CAMSAP1: variants seen among roughly 807,000 people sequenced by gnomAD.
CAMSAP1 encodes calmodulin regulated spectrin associated protein 1.
In CAMSAP1, 58 loss-of-function variants were observed where a neutral mutation model predicts 143.5. That is an observed-to-expected ratio of 0.40 (90% CI 0.33 to 0.50). The LOEUF (loss-of-function observed/expected upper bound fraction) is 0.50. CAMSAP1 is among the 20% of genes least tolerant of loss of function. The pLI is 0.45. For synonymous variants in CAMSAP1, 945 were observed against 859.3 expected, an observed-to-expected ratio of 1.10 and a Z score of -1.74; for missense variants, 1,969 against 2,115.7, an observed-to-expected ratio of 0.93 and a Z score of 1.36.
At position 135,882,759 on chromosome 9, in the gene CAMSAP1, CGA is replaced by C; in HGVS notation, c.423+55_423+56del. The C allele has an allele frequency of 6.6e-7, 1 of 1,514,576 alleles. No individual in the cohort carries two copies. Among genetic ancestry groups the C allele is most frequent in the Non-Finnish European group, 8.8e-7 (1 of 1,130,730 alleles). 93.8% of individuals were successfully genotyped at this position (1,514,576 alleles called of 1,614,324 possible). A position where few individuals can be genotyped will look rare whatever the true frequency, so the allele number is the denominator to read the frequency against. Reference sequence around the variant, plus strand: ...CCATCCATGCACCAGGTGCGCCACACGAGAGCCCACGGCTCCAGAGGATGGCC... The same window carrying C: ...CCATCCATGCACCAGGTGCGCCACACGAGCCCACGGCTCCAGAGGATGGCC... On this transcript the variant is annotated intron_variant, in intron 2 of 16. Transcript: ENST00000389532. The surrounding 1 kb of genome is among the most constrained non-coding windows in gnomAD (Gnocchi z 4.9).
chr9:135,818,713 C>T lies in CAMSAP1; in HGVS notation c.3960-97G>A. On this transcript the variant is annotated intron_variant, in intron 12 of 16. Transcript: ENST00000389532. The surrounding 1 kb of genome is among the most constrained non-coding windows in gnomAD (Gnocchi z 7.7). ...TGTCCAGGCGCGTTTCTCGGGTTCT[C>T]CCCGGCCGCTGGGACCAAGAGTGGC... is the stretch of plus-strand genomic sequence containing the variant. 5 of 1,398,070 alleles carry T rather than the reference C, an allele frequency of 3.6e-6. No individual in the cohort carries two copies. Among genetic ancestry groups the T allele is most frequent in the Non-Finnish European group, 4.8e-6 (5 of 1,042,508 alleles). 86.6% of individuals were successfully genotyped at this position (1,398,070 alleles called of 1,614,324 possible).
intron 3 of CAMSAP1, among the ~76,000 whole-genome samples, chr9:135,878,983 T>C (rs1189468108): frequency 6.6e-6 from 1 of 151,868 alleles, no homozygotes; most frequent in Non-Finnish European, 1.5e-5. Context: ...AAACAAAGCA[T>C]AATACAAGGA....
At position 135,809,311 on chromosome 9, in the gene CAMSAP1, G is replaced by A. The variant is rs959441791; in HGVS notation, c.*1998C>T. 1 of 152,186 alleles carries A rather than the reference G, an allele frequency of 6.6e-6. No homozygotes were observed. The highest frequency in any genetic ancestry group is 2.4e-5 in the African/African-American group (1 of 41,456). The allele number at this position is 152,186 out of a possible 1,614,324, so 9.4% of individuals were successfully genotyped here. On this transcript the variant is annotated 3_prime_UTR_variant, in exon 17 of 17. Coordinates refer to ENST00000389532, the MANE Select transcript of CAMSAP1 (RefSeq NM_015447.4). The stretch of plus-strand genomic sequence containing the variant: ...TTAGTGCTTACTCGCAACGAACAGT[G>A]AAAACTACACGCTTAAGGACAAGTT...
chr9:135,894,010 G>C (rs970602615), intron 1 of CAMSAP1, among the ~76,000 whole-genome samples: 1 of 152,112 alleles, frequency 6.6e-6, no homozygotes, highest in African/African-American at 2.4e-5. Context: ...CCCACCCAAC[G>C]GGAGGTGACA....
At chr9:135,827,191 T>C (rs770202861) in intron 8 of CAMSAP1, among the ~76,000 whole-genome samples, 3 of 152,182 alleles carry the variant, frequency 2.0e-5, no homozygotes, top group Non-Finnish European at 4.4e-5. Flanking sequence ...ATGTCAGAAT[T>C]AGGTACACAT....
In CAMSAP1 at chr9:135,811,049, A is replaced by C. The variant is rs1173165437; in HGVS notation, c.*260T>G. The C allele has an allele frequency of 5.9e-6, 3 of 512,552 alleles. No homozygotes were observed. The East Asian group carries it at 1.1e-4, about 18-fold the overall frequency. The allele number at this position is 512,552 out of a possible 1,614,324, so 31.8% of individuals were successfully genotyped here. ...AGCCTCAGTGGTCAGCAGTGGCCAC[A>C]GCAGTGCGAGCCACTGCAAAAGCGG... On this transcript the variant is annotated 3_prime_UTR_variant, in exon 17 of 17. Coordinates refer to ENST00000389532, the MANE Select transcript of CAMSAP1 (RefSeq NM_015447.4). This position sits in a 1 kb window ranked among gnomAD's most constrained non-coding sequence, Gnocchi z 4.9.
At chr9:135,886,965 C>T (rs1417415624) in intron 1 of CAMSAP1, among the ~76,000 whole-genome samples, 2 of 152,108 alleles carry the variant, frequency 1.3e-5, no homozygotes, top group Non-Finnish European at 2.9e-5. Flanking sequence ...GGAGGGCAGT[C>T]GGGGACAGGA....
chr9:135,825,257 A>T (rs998012478), intron 8 of CAMSAP1, among the ~76,000 whole-genome samples: 1 of 152,182 alleles, frequency 6.6e-6, no homozygotes, highest in Non-Finnish European at 1.5e-5. Context: ...TAAAAAAAAG[A>T]GAGAGAACTT....
Position 135,822,754 on chromosome 9 carries a change from A to G in CAMSAP1, c.1907T>C (p.Val636Ala), listed in dbSNP as rs1271110447. 6.2e-7 allele frequency: 1 copy of G among 1,612,770 alleles called. No homozygotes were observed. The change falls in exon 11 of 17, where the codon GTA becomes GCA. Residue 636 changes from valine (V) to alanine (A), a missense_variant. Coordinates refer to ENST00000389532, the MANE Select transcript of CAMSAP1 (RefSeq NM_015447.4). The surrounding 1 kb of genome is among the most constrained non-coding windows in gnomAD (Gnocchi z 6.1). ...GCGACTGCCAGTCATTTTCCTTCGT[A>G]CCAAAGGCTGGGGGCCCTCGCTGGG... The part of the protein sequence containing the change: ...RRPSEGPQPL[V>A]RRKMTGSRDL...
intron 1 of CAMSAP1, among the ~76,000 whole-genome samples, chr9:135,887,635 A>T (rs1220063474): frequency 6.6e-6 from 1 of 152,150 alleles, no homozygotes; most frequent in Non-Finnish European, 1.5e-5. Flanking sequence ...GTCAGGGTAC[A>T]GACGCAGGGA....
intron 14 of CAMSAP1, among the ~76,000 whole-genome samples, 162 bp from the exon 15 acceptor site, chr9:135,816,167 C>T (rs1588438611): frequency 6.6e-6 from 1 of 152,332 alleles, no homozygotes; most frequent in East Asian, 1.9e-4. Flanking sequence ...CCACACAGTA[C>T]AGACACTCCG....
chr9:135,818,854 G>A lies in CAMSAP1; in HGVS notation c.3959+156C>T, dbSNP rs1357552243. Among the ~76,000 whole-genome samples, 2 of 152,156 alleles carry A rather than the reference G, an allele frequency of 1.3e-5. No homozygotes were observed. Among genetic ancestry groups the A allele is most frequent in the African/African-American group, 2.4e-5 (1 of 41,442 alleles). ...ACGTCCTCACTGAAGATCAGCAGGG[G>A]CCGTGAAAGTTCGGGGAGGTGGTCC... On this transcript the variant is annotated intron_variant, in intron 12 of 16. Coordinates refer to ENST00000389532, the MANE Select transcript of CAMSAP1 (RefSeq NM_015447.4). The surrounding 1 kb of genome is among the most constrained non-coding windows in gnomAD (Gnocchi z 7.7).
Position 135,819,082 on chromosome 9 carries a change from C to A in CAMSAP1, c.3887G>T (p.Arg1296Leu), listed in dbSNP as rs1188175890. The part of the protein sequence containing the change: ...KRAAFLLKQQ[R>L]KAEEARVRKQ... Reference sequence around the variant, plus strand: ...GCGCACGCGGGCCTCCTCGGCCTTGCGCTGCTGCTTCAGGAGGAAGGCCGC... The same window carrying A: ...GCGCACGCGGGCCTCCTCGGCCTTGAGCTGCTGCTTCAGGAGGAAGGCCGC... Residue 1296 changes from arginine (R) to leucine (L), a missense_variant, in exon 12 of 17, where the codon CGC becomes CTC. Arg to Leu is a moderately radical substitution (Grantham distance 102). Coordinates refer to ENST00000389532, the MANE Select transcript of CAMSAP1 (RefSeq NM_015447.4). The A allele has an allele frequency of 1.2e-6, 2 of 1,603,132 alleles. No homozygotes were observed. Among genetic ancestry groups the A allele is most frequent in the Non-Finnish European group, 1.7e-6 (2 of 1,176,472 alleles).
chr9:135,900,857 C>T (rs62585190), intron 1 of CAMSAP1, among the ~76,000 whole-genome samples: 207 of 152,126 alleles, frequency 1.4e-3, no homozygotes, highest in Non-Finnish European at 2.0e-3. Flanking sequence ...TGGGTTTAAG[C>T]GATTCGTCTG....
At chr9:135,897,205 A>AG (rs1271889882) in intron 1 of CAMSAP1, among the ~76,000 whole-genome samples, 2 of 151,934 alleles carry the variant, frequency 1.3e-5, no homozygotes, top group African/African-American at 2.4e-5. Context: ...CCCAGGCTGG[A>AG]GTGCAGTGGT....
At chr9:135,851,649 A>G (rs1836787750) in intron 5 of CAMSAP1, among the ~76,000 whole-genome samples, 1 of 152,196 alleles carries the variant, frequency 6.6e-6, no homozygotes, top group African/African-American at 2.4e-5. Context: ...GTGTTGTCTC[A>G]GCCTTGAGAA....
At position 135,907,455 on chromosome 9, in the gene CAMSAP1, C is replaced by T. The variant is rs1838823442; in HGVS notation, c.-296G>A. 6.9e-6 allele frequency among the ~76,000 whole-genome samples: 1 copy of T among 143,996 alleles called. No individual in the cohort carries two copies. The highest frequency in any genetic ancestry group is 1.5e-5 in the Non-Finnish European group (1 of 65,360). 94.5% of individuals were successfully genotyped at this position (143,996 alleles called of 152,430 possible). On this transcript the variant is annotated 5_prime_UTR_variant, in exon 1 of 17. Transcript: ENST00000389532. Reference sequence around the variant, plus strand: ...GGGCGGGCGCGGGGGCGGGAGCGGGCCGGGGGCGGTGGCAGCGCGTGCGCG... The same window carrying T: ...GGGCGGGCGCGGGGGCGGGAGCGGGTCGGGGGCGGTGGCAGCGCGTGCGCG...
intron 7 of CAMSAP1, among the ~76,000 whole-genome samples, chr9:135,842,019 G>C (rs567470845): frequency 5.9e-4 from 90 of 152,284 alleles, no homozygotes; most frequent in Non-Finnish European, 1.1e-3. Context: ...GACAGAAGTA[G>C]GCTTCAGAAG....
At position 135,823,033 on chromosome 9, in the gene CAMSAP1, A is replaced by G. The variant is rs1835540923; in HGVS notation, c.1628T>C (p.Val543Ala). 1.2e-6 allele frequency: 2 copies of G among 1,613,866 alleles called. No homozygotes were observed. Among genetic ancestry groups the G allele is most frequent in the African/African-American group, 1.3e-5 (1 of 74,896 alleles). Residue 543 changes from valine (V) to alanine (A), a missense_variant, in exon 11 of 17, where the codon GTG (valine) becomes GCG (alanine). Coordinates refer to ENST00000389532, the MANE Select transcript of CAMSAP1 (RefSeq NM_015447.4). ...VSIEDEEEEL[V>A]AIVRADVVPQ... The stretch of plus-strand genomic sequence containing the variant: ...AACCACGTCTGCTCTAACAATAGCC[A>G]CAAGCTCCTCTTCCTCATCCTCAAT...
Sources: gnomAD v4.1 joint callset for allele counts (sites outside exome capture counted in the v4.1 genomes callset) on GRCh38, gnomAD v4.1.1 for gene constraint, Gnocchi (gnomAD v3.1) non-coding constraint, MANE v1.5 for transcripts, NCBI Gene and HGNC (gene_info 2026-07-23, HGNC 2026-07-21) for gene names.